The following TRMT10A variants were observed in gnomAD, a reference collection of about 807,000 sequenced individuals.
TRMT10A encodes the protein tRNA methyltransferase 10 homolog A.
In TRMT10A, 37 loss-of-function variants were observed where a neutral mutation model predicts 40.4. That is an observed-to-expected ratio of 0.92 (90% CI 0.71 to 1.21). The LOEUF (loss-of-function observed/expected upper bound fraction) is 1.21. TRMT10A is among the 50% of genes most tolerant of loss of function. TRMT10A has a pLI of 0.00. For synonymous variants in TRMT10A, 103 were observed against 134.1 expected, an observed-to-expected ratio of 0.77 and a Z score of 1.60; for missense variants, 388 against 404.3, an observed-to-expected ratio of 0.96 and a Z score of 0.35.
intron 6 of TRMT10A, among the ~76,000 whole-genome samples, chr4:99,551,281 G>A (rs1215352874): frequency 3.9e-5 from 6 of 152,138 alleles, no homozygotes; most frequent in Non-Finnish European, 8.8e-5. Context: ...GCAGAATCAC[G>A]AGAAAAATCT....
chr4:99,553,729 T>A, intron 6 of TRMT10A, 56 bp downstream of exon 6: 1 of 1,512,264 alleles, frequency 6.6e-7, no homozygotes. Flanking sequence ...TTTCAGGAAA[T>A]GGTGATATAT....
At chr4:99,557,869 T>TAA (rs1363536191) in intron 3 of TRMT10A, 180 bp downstream of exon 3, 1 of 584,138 alleles carries the variant, frequency 1.7e-6, no homozygotes, top group African/African-American at 1.9e-5. Context: ...CACACATATA[T>TAA]AAATACACAT....
At chr4:99,561,558 A>C (rs1286572562) in intron 1 of TRMT10A, among the ~76,000 whole-genome samples, 1 of 152,202 alleles carries the variant, frequency 6.6e-6, no homozygotes, top group Non-Finnish European at 1.5e-5. Flanking sequence ...TGCAACAAAA[A>C]TGATGCTAAC....
Position 99,550,940 on chromosome 4 carries a change from G to T in TRMT10A, c.696C>A (p.Leu232=), listed in dbSNP as rs1723938406. 2 of 1,613,106 alleles carry T rather than the reference G, an allele frequency of 1.2e-6. No homozygotes were observed. The highest frequency in any genetic ancestry group is 8.5e-7 in the Non-Finnish European group (1 of 1,179,562). ...ASDYGINHAQ[L]PLGNFVKMNS... The stretch of plus-strand genomic sequence containing the variant: ...TCATCTTCACAAAATTTCCAAGTGG[G>T]AGCTGTGCATGATTGATTCCATAAT... The change falls in exon 7 of 8, where the codon CTC becomes CTA. Residue 232 remains leucine, a synonymous_variant. Transcript: ENST00000394876.
chr4:99,549,892 A>C (rs929286973), intron 7 of TRMT10A, among the ~76,000 whole-genome samples: 1 of 152,210 alleles, frequency 6.6e-6, no homozygotes, highest in African/African-American at 2.4e-5. Context: ...AATTTCTACT[A>C]TATATCAAAG....
chr4:99,551,584 A>G (rs1460231111), intron 6 of TRMT10A, among the ~76,000 whole-genome samples: 3 of 152,172 alleles, frequency 2.0e-5, no homozygotes, highest in Non-Finnish European at 4.4e-5. Context: ...TGTACAGTAC[A>G]TAACACCTGA....
chr4:99,550,733 A>G, intron 7 of TRMT10A, 152 bp downstream of exon 7: 1 of 617,014 alleles, frequency 1.6e-6, no homozygotes, highest in Non-Finnish European at 2.7e-6. Flanking sequence ...TCTAATACAC[A>G]TTATTTCTGT....
chr4:99,562,515 C>CA (rs1553924922), intron 1 of TRMT10A, among the ~76,000 whole-genome samples: 15 of 76,666 alleles, frequency 2.0e-4, no homozygotes, highest in Non-Finnish European at 2.9e-4. Context: ...AAAGGAATGC[C>CA]TTTTTTTTTT....
chr4:99,554,406 T>C (rs1292369105), intron 5 of TRMT10A, among the ~76,000 whole-genome samples: 1 of 152,138 alleles, frequency 6.6e-6, no homozygotes, highest in Non-Finnish European at 1.5e-5. Context: ...AATTACTTCC[T>C]CTCCATCTAC....
At chr4:99,557,949 T>C in intron 3 of TRMT10A, 100 bp downstream of exon 3, 2 of 1,187,242 alleles carry the variant, frequency 1.7e-6, no homozygotes, top group Non-Finnish European at 2.3e-6. Flanking sequence ...GAAGATTCAT[T>C]TCAATACACA....
intron 6 of TRMT10A, among the ~76,000 whole-genome samples, chr4:99,551,607 A>C (rs1328280138): frequency 2.0e-5 from 3 of 152,188 alleles, no homozygotes; most frequent in African/African-American, 7.2e-5. Flanking sequence ...ATGATAATAA[A>C]TGTTACCTGT....
rs140061690 is a variant in TRMT10A at position 99,559,190 on chromosome 4, T to A, written c.149A>T (p.Lys50Ile). 462 of 1,613,120 alleles carry A rather than the reference T, an allele frequency of 2.9e-4. No homozygotes were observed. Among genetic ancestry groups the A allele is most frequent in the Non-Finnish European group, 3.6e-4 (424 of 1,179,450 alleles). The change falls in exon 2 of 8, where the codon AAA becomes ATA. Residue 50 changes from lysine (K) to isoleucine (I), a missense_variant. Coordinates refer to ENST00000394876, the MANE Select transcript of TRMT10A (RefSeq NM_001134665.3). ...CCGTTGCTCTTCCCATTGTTTCTGTTTTATTAGTTTTTTCATTTGTCGTTT... is the reference window on the plus strand; with the variant it reads ...CCGTTGCTCTTCCCATTGTTTCTGTATTATTAGTTTTTTCATTTGTCGTTT... ...ISKRQMKKLI[K>I]QKQWEEQREL...
At chr4:99,563,770 G>A in intron 1 of TRMT10A, 143 bp downstream of exon 1, 1 of 480,656 alleles carries the variant, frequency 2.1e-6, no homozygotes, top group East Asian at 5.0e-5. Context: ...CAGCAAGAGC[G>A]CCGCAGGAAA....
rs1723863488 is a variant in TRMT10A, at chr4:99,549,204, A to C, written c.904T>G (p.Ser302Ala). The C allele has an allele frequency of 6.2e-7, 1 of 1,613,952 alleles. No homozygotes were observed. Residue 302 changes from serine (S) to alanine (A), a missense_variant, in exon 8 of 8, where the codon TCG becomes GCG. Coordinates refer to ENST00000394876, the MANE Select transcript of TRMT10A (RefSeq NM_001134665.3). ...NQSVRMEEGG[S>A]DSDSSEEEYS... is the part of the protein sequence containing the mutation. ...TCCTCCTCACTGGAATCACTGTCCGATCCACCTTCCTCCATCCTGACAGAC... is the reference window on the plus strand; with the variant it reads ...TCCTCCTCACTGGAATCACTGTCCGCTCCACCTTCCTCCATCCTGACAGAC...
intron 5 of TRMT10A, 88 bp from the exon 6 acceptor site, chr4:99,554,022 T>A: frequency 7.4e-7 from 1 of 1,358,798 alleles, no homozygotes. Flanking sequence ...CCAAAACAAA[T>A]CCATTCAAAA....
At position 99,563,906 on chromosome 4, in the gene TRMT10A, C is replaced by G. The variant is rs780970867; in HGVS notation, c.-24+7G>C. ...GGGGGAGCGCCAACCAGTGCCAGGA[C>G]ACTTACCGAGCTGAAGAGTTGACAG... On this transcript the variant is annotated splice_region_variant and intron_variant, in intron 1 of 7. Transcript: ENST00000394876. 19 of 751,116 alleles carry G rather than the reference C, an allele frequency of 2.5e-5. No individual in the cohort carries two copies. Among genetic ancestry groups the G allele is most frequent in the Non-Finnish European group, 4.4e-5 (19 of 431,542 alleles). The allele number at this position is 751,116 out of a possible 1,614,324, so 46.5% of individuals were successfully genotyped here.
chr4:99,560,083 G>T (rs1724328411), intron 1 of TRMT10A, among the ~76,000 whole-genome samples: 1 of 151,908 alleles, frequency 6.6e-6, no homozygotes, highest in South Asian at 2.1e-4. Flanking sequence ...CTTTTTTAAT[G>T]CTGTAGAATG....
intron 7 of TRMT10A, among the ~76,000 whole-genome samples, chr4:99,550,329 A>G (rs6815231): frequency 0.26 from 39,794 of 152,068 alleles, 5,381 homozygotes; most frequent in South Asian, 0.35. Context: ...AGCTAGGACT[A>G]CAAGCACCCA....
chr4:99,561,258 C>T (rs547383517), intron 1 of TRMT10A, among the ~76,000 whole-genome samples: 3 of 152,252 alleles, frequency 2.0e-5, no homozygotes, highest in South Asian at 4.2e-4. Context: ...AATCACCAGG[C>T]CCGGCCTACG....
Sources: gnomAD v4.1 joint callset for allele counts (sites outside exome capture counted in the v4.1 genomes callset) on GRCh38, gnomAD v4.1.1 for gene constraint, MANE v1.5 for transcripts, NCBI Gene and HGNC (gene_info 2026-07-23, HGNC 2026-07-21) for gene names.